The following CAST variants were observed in gnomAD, a reference collection of about 807,000 sequenced individuals.
The protein encoded by CAST is calpastatin.
Under a neutral mutation model 119.6 loss-of-function variants are expected in CAST, and 76 were observed. The observed-to-expected ratio is 0.64, with a 90% CI of 0.53 to 0.77. The LOEUF is 0.77. Ranked by LOEUF, CAST falls within the 30% of genes least tolerant of loss-of-function variation. CAST has a pLI of 0.00. For synonymous variants in CAST, 319 were observed against 331.6 expected, an observed-to-expected ratio of 0.96 and a Z score of 0.41; for missense variants, 953 against 946.5, an observed-to-expected ratio of 1.01 and a Z score of -0.09.
At chr5:96,053,306 A>C in the CAST span, among the ~76,000 whole-genome samples, 38 of 152,332 alleles carry the variant, frequency 2.5e-4, 1 homozygote, top group South Asian at 7.5e-3. Flanking sequence ...ATGTTCAGCC[A>C]AGGTTGAGAG....
At chr5:96,520,583 G>A (rs1230705612), upstream of CAST, among the ~76,000 whole-genome samples, 1 of 151,700 alleles carries the variant, frequency 6.6e-6, no homozygotes, top group Non-Finnish European at 1.5e-5. Context: ...GTGTCTGTGT[G>A]TGTGTGTCTG....
At chr5:96,495,438 G>T in the CAST span, among the ~76,000 whole-genome samples, 1 of 151,918 alleles carries the variant, frequency 6.6e-6, no homozygotes, top group Non-Finnish European at 1.5e-5. Flanking sequence ...TCCCCAATAG[G>T]CCCTGATGTG....
At position 96,766,073 on chromosome 5, in the gene CAST, T is replaced by C. The variant is rs758406564; in HGVS notation, c.2058T>C (p.His686=). Residue 686 remains histidine (H), a synonymous_variant, in exon 27 of 32, where the codon CAT becomes CAC. Transcript: ENST00000675179. The stretch of plus-strand genomic sequence containing the variant: ...TATAGGAAAAAGCTAAAGCTGAACA[T>C]AGAGACAAGCTTGGAGAAAGAGATG... ...DKVKEKAKAE[H]RDKLGERDDT... 1.5e-5 allele frequency: 24 copies of C among 1,606,064 alleles called. No homozygotes were observed. The highest frequency in any genetic ancestry group is 2.7e-5 in the African/African-American group (2 of 74,714).
chr5:96,273,296 T>C, the CAST span, among the ~76,000 whole-genome samples: 1 of 152,340 alleles, frequency 6.6e-6, no homozygotes, highest in South Asian at 2.1e-4. Context: ...CCTCCCCAGT[T>C]AGGTGAGCTG....
the CAST span, among the ~76,000 whole-genome samples, chr5:96,020,801 A>G: frequency 1.3e-5 from 2 of 151,586 alleles, no homozygotes; most frequent in Non-Finnish European, 3.0e-5. Flanking sequence ...ATGTGCTTGA[A>G]TCATCCCCAA....
chr5:96,660,401 C>A (rs1748257990), upstream of CAST, among the ~76,000 whole-genome samples: 1 of 152,192 alleles, frequency 6.6e-6, no homozygotes, highest in African/African-American at 2.4e-5. Flanking sequence ...ACTGTCAGTC[C>A]CTGGAGGACA....
intron 1 of CAST, among the ~76,000 whole-genome samples, chr5:96,598,826 C>T (rs147492550): frequency 2.0e-5 from 3 of 152,278 alleles, no homozygotes; most frequent in African/African-American, 7.2e-5. Context: ...CACTGACCCT[C>T]CCTCTAGTAC....
At chr5:96,552,648 C>A (rs1053869213) in intron 1 of CAST, among the ~76,000 whole-genome samples, 2 of 151,574 alleles carry the variant, frequency 1.3e-5, no homozygotes, top group African/African-American at 4.8e-5. Context: ...TTGAAAAGAT[C>A]AACAAAATAG....
the CAST span, among the ~76,000 whole-genome samples, chr5:96,070,795 T>C: frequency 6.6e-6 from 1 of 152,068 alleles, no homozygotes; most frequent in Non-Finnish European, 1.5e-5. Context: ...ACCCTATAGA[T>C]GTGGCAATAG....
At chr5:96,570,464 A>G (rs1746549059) in intron 1 of CAST, among the ~76,000 whole-genome samples, 1 of 152,148 alleles carries the variant, frequency 6.6e-6, no homozygotes, top group African/African-American at 2.4e-5. Context: ...CTAGAACTCA[A>G]AGAAGGGCAA....
chr5:96,574,947 T>TTTAA (rs975571740), intron 1 of CAST, among the ~76,000 whole-genome samples: 100 of 152,280 alleles, frequency 6.6e-4, no homozygotes, highest in African/African-American at 2.3e-3. Flanking sequence ...GGTTTGTATA[T>TTTAA]TTAATTAATT....
At chr5:96,387,552 A>C in the CAST span, among the ~76,000 whole-genome samples, 2 of 151,934 alleles carry the variant, frequency 1.3e-5, no homozygotes, top group Non-Finnish European at 2.9e-5. Context: ...AATCTCTCTT[A>C]ACATTTTGGG....
At chr5:96,460,944 T>TGC in the CAST span, among the ~76,000 whole-genome samples, 108,230 of 151,676 alleles carry the variant, frequency 0.71, 39,250 homozygotes, top group African/African-American at 0.83. Flanking sequence ...TTGCATTGTG[T>TGC]GACTACCACA....
At chr5:96,762,931 G>A (rs570029868) in intron 25 of CAST, 39 of 530,112 alleles carry the variant, frequency 7.4e-5, no homozygotes, top group Non-Finnish European at 1.2e-4. Flanking sequence ...TTTACATGCT[G>A]TGAGGCAAGG....
chr5:96,103,246 T>C, the CAST span, among the ~76,000 whole-genome samples: 1 of 152,034 alleles, frequency 6.6e-6, no homozygotes, highest in Admixed American at 6.6e-5. Context: ...ATGTGCACAA[T>C]GTGCAGGTTA....
intron 1 of CAST, chr5:96,584,664 A>T (rs1435014136): frequency 6.6e-6 from 1 of 152,170 alleles, no homozygotes; most frequent in Non-Finnish European, 1.5e-5. Context: ...ACCTCTAGGG[A>T]TGGGAGAAAC....
At chr5:95,988,327 T>C in the CAST span, among the ~76,000 whole-genome samples, 43 of 152,262 alleles carry the variant, frequency 2.8e-4, no homozygotes, top group African/African-American at 1.0e-3. Flanking sequence ...CTTTCTGCCC[T>C]ATTTGTTCCT....
chr5:96,040,521 GCT>G, the CAST span, among the ~76,000 whole-genome samples: 3 of 152,046 alleles, frequency 2.0e-5, no homozygotes. Flanking sequence ...GTCCTAAATA[GCT>G]CTTTTTATTT....
the CAST span, among the ~76,000 whole-genome samples, chr5:96,369,741 T>C: frequency 6.6e-6 from 1 of 152,158 alleles, no homozygotes; most frequent in East Asian, 1.9e-4. Flanking sequence ...CTCCTTGTTT[T>C]AGTATGCCAC....
Sources: gnomAD v4.1 joint callset for allele counts (sites outside exome capture counted in the v4.1 genomes callset) on GRCh38, gnomAD v4.1.1 for gene constraint, MANE v1.5 for transcripts, NCBI Gene and HGNC (gene_info 2026-07-23, HGNC 2026-07-21) for gene names.